Variants in CD163L1 observed in about 807,000 individuals in gnomAD.
The protein encoded by CD163L1 is scavenger receptor cysteine-rich type 1 protein M160.
A neutral mutation model predicts 165.4 loss-of-function variants in CD163L1; 124 were observed. That is an observed-to-expected ratio of 0.75 (90% CI 0.65 to 0.87). CD163L1 has a LOEUF of 0.87. Among genes scored for constraint, CD163L1 ranks in the 40% least tolerant of loss-of-function variants. The pLI, the probability that CD163L1 is intolerant of heterozygous loss-of-function variation, is 0.00. For missense variants in CD163L1, 1,525 were observed against 1,799.9 expected, an observed-to-expected ratio of 0.85 and a Z score of 2.76; for synonymous variants, 585 against 662.2, an observed-to-expected ratio of 0.88 and a Z score of 1.79.
chr12:7,352,044 ATAAAG>A (rs761875356), downstream of CD163L1, among the ~76,000 whole-genome samples: 1 of 152,182 alleles, frequency 6.6e-6, no homozygotes, highest in South Asian at 2.1e-4. Flanking sequence ...ATTTCAACAA[ATAAAG>A]TAAAAATCAT....
At chr12:7,391,269 G>C (rs191087374) in intron 8 of CD163L1, among the ~76,000 whole-genome samples, 126 of 152,276 alleles carry the variant, frequency 8.3e-4, no homozygotes, top group Non-Finnish European at 1.5e-3. Context: ...GGAGAAACCA[G>C]AGCAGCAAAG....
rs771118215 is a variant in CD163L1 at position 7,375,527 on chromosome 12, C to A, written c.2755G>T (p.Gly919Ter). ...GTGTCACACAGTGAGCCCCAGTGTC[C>A]AAGCACGTTGATCTCCACTTGCCCG... ...CDGQVEINVL[G>*]HWGSLCDTHW... is the part of the protein sequence containing the mutation. The change falls in exon 11 of 20, where the codon GGA becomes TGA. Residue 919 changes from glycine (G) to a stop codon, truncating the protein, a stop_gained. Coordinates refer to ENST00000313599, the MANE Select transcript of CD163L1 (RefSeq NM_174941.6). LOFTEE classifies it high-confidence loss of function. The A allele has an allele frequency of 1.2e-6, 2 of 1,613,984 alleles. No individual in the cohort carries two copies. The highest frequency in any genetic ancestry group is 4.5e-5 in the East Asian group (2 of 44,890).
In CD163L1 at chr12:7,380,234, C is replaced by T. The variant is rs143264314; in HGVS notation, c.2051-936G>A. Among the ~76,000 whole-genome samples, 717 of 151,866 alleles carry T rather than the reference C, an allele frequency of 4.7e-3. 4 individuals are homozygous for T. The highest frequency in any genetic ancestry group is 6.4e-3 in the Non-Finnish European group (432 of 67,910). Reference sequence around the variant, plus strand: ...CGCAATTGCAAAAATATGGAACCAGCCCAAATGCCCATCAATCAACAAGTG... The same window carrying T: ...CGCAATTGCAAAAATATGGAACCAGTCCAAATGCCCATCAATCAACAAGTG... On this transcript the variant is annotated intron_variant, in intron 8 of 19. Transcript: ENST00000313599.
At chr12:7,394,818 A>G (rs1038698001) in intron 8 of CD163L1, among the ~76,000 whole-genome samples, 14 of 152,246 alleles carry the variant, frequency 9.2e-5, no homozygotes, top group Non-Finnish European at 1.8e-4. Flanking sequence ...GAAGACATCT[A>G]TGCATCCAAC....
At chr12:7,443,647 C>T (rs1948856442) in intron 1 of CD163L1, among the ~76,000 whole-genome samples, 1 of 152,152 alleles carries the variant, frequency 6.6e-6, no homozygotes, top group Non-Finnish European at 1.5e-5. Context: ...ACTACATGAC[C>T]TTACATAAGT....
chr12:7,418,001 T>TA (rs144589499), intron 4 of CD163L1, among the ~76,000 whole-genome samples: 35,737 of 151,760 alleles, frequency 0.24, 6,763 homozygotes, highest in African/African-American at 0.51. Flanking sequence ...AGTGTAGAGG[T>TA]AAAAATGGCA....
rs1018631846 is a variant in CD163L1, at chr12:7,400,275, A to G, written c.1409-1691T>C. ...TGCTTCCACAATATAATGGAAACCA[A>G]TGTATTCAATGTAGGTTAAATGTGT... On this transcript the variant is annotated intron_variant, in intron 6 of 19. Transcript: ENST00000313599. The surrounding 1 kb of genome is among the most constrained non-coding windows in gnomAD (Gnocchi z 4.1). Among the ~76,000 whole-genome samples the G allele has an allele frequency of 1.3e-5, 2 of 152,216 alleles. No individual in the cohort carries two copies. The highest frequency in any genetic ancestry group is 4.8e-5 in the African/African-American group (2 of 41,456).
chr12:7,342,508 T>C (rs533015886), downstream of CD163L1, among the ~76,000 whole-genome samples: 39 of 152,206 alleles, frequency 2.6e-4, no homozygotes, highest in Non-Finnish European at 5.0e-4. Flanking sequence ...CTGAAGGCTG[T>C]GAGACCCCTG....
chr12:7,352,017 C>T (rs1057004495), downstream of CD163L1, among the ~76,000 whole-genome samples: 78 of 152,154 alleles, frequency 5.1e-4, no homozygotes, highest in African/African-American at 1.8e-3. Flanking sequence ...GAAGAAAAAG[C>T]TCTTACTGAC....
chr12:7,386,233 C>T (rs1947512132), intron 8 of CD163L1, among the ~76,000 whole-genome samples: 1 of 151,906 alleles, frequency 6.6e-6, no homozygotes, highest in South Asian at 2.1e-4. Flanking sequence ...AGGATAAATT[C>T]CTGTACACAT....
At chr12:7,370,782 A>G (rs1469359209) in intron 14 of CD163L1, among the ~76,000 whole-genome samples, 1 of 152,146 alleles carries the variant, frequency 6.6e-6, no homozygotes, top group Non-Finnish European at 1.5e-5. Context: ...TCTCCTGCTC[A>G]TTAATAAATA....
chr12:7,421,157 GTATATATA>G (rs1329938009), intron 4 of CD163L1, among the ~76,000 whole-genome samples: 19 of 128,204 alleles, frequency 1.5e-4, no homozygotes, highest in Non-Finnish European at 2.4e-4. Flanking sequence ...GTGTATAAAT[GTATATATA>G]TGTATATATG....
In CD163L1 at chr12:7,432,812, A is replaced by C. The variant is rs1178296323; in HGVS notation, c.446-76T>G. The C allele has an allele frequency of 4.0e-6, 5 of 1,263,882 alleles. No homozygotes were observed. Among genetic ancestry groups the C allele is most frequent in the African/African-American group, 1.5e-5 (1 of 66,466 alleles). The allele number at this position is 1,263,882 out of a possible 1,614,324, so 78.3% of individuals were successfully genotyped here. ...GAAATAAAATCAAAAGGATACGTAG[A>C]AGACAGCCCTGTTATGAATGAAGTT... On this transcript the variant is annotated intron_variant, in intron 3 of 19. Transcript: ENST00000313599. The surrounding 1 kb of genome is among the most constrained non-coding windows in gnomAD (Gnocchi z 4.2).
intron 2 of CD163L1, among the ~76,000 whole-genome samples, chr12:7,437,334 TTATTAA>T (rs1022449875): frequency 1.4e-3 from 70 of 48,726 alleles, no homozygotes; most frequent in African/African-American, 4.6e-3. Context: ...ATTTTTATTT[TTATTAA>T]TATACTTTTA....
chr12:7,415,491 C>T (rs1176875200), intron 4 of CD163L1, among the ~76,000 whole-genome samples: 1 of 152,010 alleles, frequency 6.6e-6, no homozygotes, highest in African/African-American at 2.4e-5. Flanking sequence ...GTTTGTTACA[C>T]AGAAATACAT....
At chr12:7,323,200 T>C in the CD163L1 span, 2 of 1,552,018 alleles carry the variant, frequency 1.3e-6, no homozygotes, top group East Asian at 2.3e-5. Flanking sequence ...ATATAAACTT[T>C]TGTATACTTA....
chr12:7,429,726 C>T (rs1948598742), intron 4 of CD163L1, among the ~76,000 whole-genome samples: 1 of 152,104 alleles, frequency 6.6e-6, no homozygotes, highest in Non-Finnish European at 1.5e-5. Flanking sequence ...ACTATCATGT[C>T]TTACCTGACC....
At chr12:7,336,238 G>A in the CD163L1 span, among the ~76,000 whole-genome samples, 1 of 140,616 alleles carries the variant, frequency 7.1e-6, no homozygotes, top group Admixed American at 7.4e-5. Flanking sequence ...ATTCACAATA[G>A]CAAAGACTTG....
chr12:7,439,398 C>T (rs892279162), intron 2 of CD163L1: 4 of 1,599,254 alleles, frequency 2.5e-6, no homozygotes, highest in Non-Finnish European at 3.4e-6. Context: ...TTTCTTTGTC[C>T]TTAAATCAAA....
Sources: allele counts gnomAD v4.1 joint callset (sites outside exome capture counted in the v4.1 genomes callset), GRCh38; gene constraint gnomAD v4.1.1; non-coding constraint Gnocchi (gnomAD v3.1); transcripts MANE v1.5; gene names NCBI Gene and HGNC (gene_info 2026-07-23, HGNC 2026-07-21).